SLC39A9: variants seen among roughly 807,000 people sequenced by gnomAD.
The protein encoded by SLC39A9 is solute carrier family 39 member 9.
Under a neutral mutation model 28.4 loss-of-function variants are expected in SLC39A9, and 14 were observed. The observed-to-expected ratio is 0.49, with a 90% CI of 0.33 to 0.77. SLC39A9 has a LOEUF of 0.77. Ranked by LOEUF, SLC39A9 falls within the 30% of genes least tolerant of loss-of-function variation. The probability of loss-of-function intolerance (pLI) is 0.02; values close to 1 mark genes in which losing one functional copy is unlikely to be tolerated. For synonymous variants in SLC39A9, 119 were observed against 149.6 expected (o/e 0.80, Z 1.49); for missense variants, 283 against 381.1 (o/e 0.74, Z 2.14).
intron 2 of SLC39A9, among the ~76,000 whole-genome samples, chr14:69,427,201 A>T (rs1434150112): frequency 6.6e-6 from 1 of 151,536 alleles, no homozygotes; most frequent in Non-Finnish European, 1.5e-5. Context: ...ACAGGATTTC[A>T]CCATGTTGCC....
Position 69,461,700 on chromosome 14 carries a change from T to C in SLC39A9, c.*3107T>C, listed in dbSNP as rs1886119520. ...CCTGGTTTTTCTCTTTTTCAAGGATTAGAACTAAGAGGACACACCAGCATC... is the reference window on the plus strand; with the variant it reads ...CCTGGTTTTTCTCTTTTTCAAGGATCAGAACTAAGAGGACACACCAGCATC... On this transcript the variant is annotated 3_prime_UTR_variant, in exon 7 of 7. Coordinates refer to ENST00000336643, the MANE Select transcript of SLC39A9 (RefSeq NM_018375.5). The C allele has an allele frequency of 6.5e-7, 1 of 1,535,894 alleles. No homozygotes were observed. The highest frequency in any genetic ancestry group is 8.7e-7 in the Non-Finnish European group (1 of 1,146,880).
In SLC39A9 at chr14:69,459,620, G is replaced by A; in HGVS notation, c.*1027G>A. The A allele has an allele frequency of 1.0e-6, 1 of 981,482 alleles. No individual in the cohort carries two copies. The highest frequency in any genetic ancestry group is 1.8e-5 in the African/African-American group (1 of 56,704). The allele number at this position is 981,482 out of a possible 1,614,324, so 60.8% of individuals were successfully genotyped here. On this transcript the variant is annotated 3_prime_UTR_variant, in exon 7 of 7. Coordinates refer to ENST00000336643, the MANE Select transcript of SLC39A9 (RefSeq NM_018375.5). The stretch of plus-strand genomic sequence containing the variant: ...AATCCCTCTAGGGACCTAAATACTA[G>A]GTCAGCTTTGGCGACACTGTGTCTT...
At chr14:69,457,483 G>A (rs1281693580) in intron 6 of SLC39A9, among the ~76,000 whole-genome samples, 1 of 151,984 alleles carries the variant, frequency 6.6e-6, no homozygotes, top group African/African-American at 2.4e-5. Context: ...TTACAGGCAT[G>A]AGCCACCACG....
chr14:69,431,317 C>G (rs546266726), intron 2 of SLC39A9, among the ~76,000 whole-genome samples: 1 of 151,738 alleles, frequency 6.6e-6, no homozygotes, highest in African/African-American at 2.4e-5. Context: ...CGTATAGGCA[C>G]TTTTTTGTAG....
In SLC39A9 at chr14:69,458,581, A is replaced by C. The variant is rs1291158062; in HGVS notation, c.912A>C (p.Gly304=). The change falls in exon 7 of 7, where the codon GGA becomes GGC. Residue 304 remains glycine, a synonymous_variant. Transcript: ENST00000336643. ...GCLIPLILSV[G]HQH ...TCATCCCTCTCATCCTGTCAGTAGG[A>C]CACCAGCATTAAATGTTCAAGGTCC... 1 of 1,611,540 alleles carries C rather than the reference A, an allele frequency of 6.2e-7. No homozygotes were observed. Among genetic ancestry groups the C allele is most frequent in the Non-Finnish European group, 8.5e-7 (1 of 1,178,234 alleles).
intron 1 of SLC39A9, among the ~76,000 whole-genome samples, chr14:69,404,121 A>G (rs888391689): frequency 2.6e-5 from 4 of 152,176 alleles, no homozygotes; most frequent in Non-Finnish European, 5.9e-5. Flanking sequence ...AGCTACTCCA[A>G]ATGCTGATGT....
intron 6 of SLC39A9, 107 bp downstream of exon 6, chr14:69,455,973 A>T: frequency 7.4e-7 from 1 of 1,352,874 alleles, no homozygotes; most frequent in Non-Finnish European, 1.0e-6. Flanking sequence ...CAAACTAAAG[A>T]TAAAATTAGG....
At chr14:69,432,980 T>C (rs905120570) in intron 2 of SLC39A9, among the ~76,000 whole-genome samples, 2 of 152,234 alleles carry the variant, frequency 1.3e-5, no homozygotes, top group Non-Finnish European at 2.9e-5. Flanking sequence ...GCCTCTGGCT[T>C]TGTCCTTTTT....
At chr14:69,405,543 G>C (rs1882866027) in intron 1 of SLC39A9, among the ~76,000 whole-genome samples, 1 of 152,126 alleles carries the variant, frequency 6.6e-6, no homozygotes, top group African/African-American at 2.4e-5. Context: ...CTTGAGGCCA[G>C]GAGTTTGAGA....
At chr14:69,433,744 TTTCTC>T (rs202168044) in intron 2 of SLC39A9, among the ~76,000 whole-genome samples, 1 of 152,048 alleles carries the variant, frequency 6.6e-6, no homozygotes, top group African/African-American at 2.4e-5. Context: ...TGATTTGAGG[TTTCTC>T]TTCTCTTCTC....
At chr14:69,400,733 A>C (rs1347811875) in intron 1 of SLC39A9, among the ~76,000 whole-genome samples, 1 of 152,214 alleles carries the variant, frequency 6.6e-6, no homozygotes, top group Non-Finnish European at 1.5e-5. Flanking sequence ...GAGGAAAAGT[A>C]AAGCCCATAG....
chr14:69,432,868 C>T (rs570789185), intron 2 of SLC39A9, among the ~76,000 whole-genome samples: 1 of 152,194 alleles, frequency 6.6e-6, no homozygotes, highest in Admixed American at 6.5e-5. Flanking sequence ...TTTCTGGGTT[C>T]TCTGTTCTGT....
At chr14:69,424,514 A>G (rs1165211233) in intron 2 of SLC39A9, among the ~76,000 whole-genome samples, 1 of 152,100 alleles carries the variant, frequency 6.6e-6, no homozygotes, top group Non-Finnish European at 1.5e-5. Flanking sequence ...TAGTGGCTGC[A>G]TTTTTTGTTT....
At chr14:69,418,198 C>T (rs1245224302) in intron 1 of SLC39A9, among the ~76,000 whole-genome samples, 1 of 151,996 alleles carries the variant, frequency 6.6e-6, no homozygotes, top group Non-Finnish European at 1.5e-5. Flanking sequence ...TTGTCAAAGG[C>T]CTTTTCTGCA....
intron 3 of SLC39A9, among the ~76,000 whole-genome samples, chr14:69,445,656 A>G (rs1405790421): frequency 1.3e-5 from 2 of 152,174 alleles, no homozygotes; most frequent in Non-Finnish European, 2.9e-5. Flanking sequence ...TTACCTTTAC[A>G]AAAAAGAAAC....
chr14:69,398,425 C>A, upstream of SLC39A9: 1 of 703,814 alleles, frequency 1.4e-6, no homozygotes, highest in Admixed American at 2.8e-5. Flanking sequence ...GACTCTGTTT[C>A]AGCCATCTTC....
chr14:69,449,771 A>C (rs2139443308), intron 3 of SLC39A9, among the ~76,000 whole-genome samples: 1 of 152,280 alleles, frequency 6.6e-6, no homozygotes, highest in South Asian at 2.1e-4. Context: ...TAGCTGCAGA[A>C]AGTAATGACC....
intron 1 of SLC39A9, among the ~76,000 whole-genome samples, chr14:69,414,926 TTCAC>T: frequency 6.6e-6 from 1 of 152,344 alleles, no homozygotes; most frequent in South Asian, 2.1e-4. Context: ...TAAAGCTTCT[TTCAC>T]TCAAACATCA....
intron 1 of SLC39A9, among the ~76,000 whole-genome samples, chr14:69,408,675 G>A (rs983171406): frequency 3.3e-5 from 5 of 152,124 alleles, no homozygotes; most frequent in African/African-American, 7.2e-5. Context: ...GTATCAGTGC[G>A]TGGGCCAAAC....
Sources: gnomAD v4.1 joint callset for allele counts (sites outside exome capture counted in the v4.1 genomes callset) on GRCh38, gnomAD v4.1.1 for gene constraint, MANE v1.5 for transcripts, NCBI Gene and HGNC (gene_info 2026-07-23, HGNC 2026-07-21) for gene names.